The following MID1 variants were observed in gnomAD, a reference collection of about 807,000 sequenced individuals.
The protein encoded by MID1 is midline 1.
Under a neutral mutation model 40.4 loss-of-function variants are expected in MID1, and 7 were observed. The ratio of observed to expected loss-of-function variants is 0.17; its 90% confidence interval spans 0.10 to 0.33. MID1 has a LOEUF of 0.33. MID1 is among the 10% of genes least tolerant of loss of function. MID1 has a pLI of 1.00. For synonymous variants in MID1, 229 were observed against 221.2 expected (o/e 1.04, Z -0.31); for missense variants, 367 against 558.5 (o/e 0.66, Z 3.46).
intron 2 of MID1, among the ~76,000 whole-genome samples, chrX:10,561,602 A>T (rs1354358997): frequency 9.3e-6 from 1 of 107,857 alleles, no homozygotes; most frequent in East Asian, 2.8e-4. Flanking sequence ...TATGCAGCCA[A>T]CAAACATATG....
chrX:10,721,340 C>G (rs760089227), intron 1 of MID1, among the ~76,000 whole-genome samples: 1 of 110,761 alleles, frequency 9.0e-6, no homozygotes, highest in Admixed American at 9.6e-5. Flanking sequence ...GGTCAACTTT[C>G]TCTAGTGTGA....
chrX:10,819,612 A>G (rs1250947565), intron 1 of MID1, among the ~76,000 whole-genome samples: 1 of 111,739 alleles, frequency 8.9e-6, no homozygotes, highest in African/African-American at 3.3e-5. Context: ...GAATAAAACC[A>G]TTACTTCCTG....
intron 2 of MID1, among the ~76,000 whole-genome samples, chrX:10,528,338 G>T (rs1300905964): frequency 2.7e-5 from 3 of 111,581 alleles, no homozygotes; most frequent in South Asian, 3.8e-4. Flanking sequence ...TAAGTCTTTG[G>T]AATCTGATAT....
intron 7 of MID1, chrX:10,469,217 G>T: frequency 2.5e-6 from 1 of 399,528 alleles, no homozygotes; most frequent in Non-Finnish European, 3.3e-6. Flanking sequence ...GACTACAGGT[G>T]TGTGTCACCA....
chrX:10,712,475 C>G (rs955790445), intron 1 of MID1, among the ~76,000 whole-genome samples: 1 of 110,910 alleles, frequency 9.0e-6, no homozygotes, highest in South Asian at 3.9e-4. Context: ...CGTATATGGC[C>G]CCTCCTAAGT....
At chrX:10,628,347 A>C (rs922247884) in intron 1 of MID1, among the ~76,000 whole-genome samples, 1 of 111,422 alleles carries the variant, frequency 9.0e-6, no homozygotes, top group African/African-American at 3.3e-5. Flanking sequence ...ACTACATTCA[A>C]ATGAGGCTTC....
chrX:10,816,424 G>T (rs1283574035), intron 1 of MID1, among the ~76,000 whole-genome samples: 1 of 112,161 alleles, frequency 8.9e-6, no homozygotes, highest in Non-Finnish European at 1.9e-5. Context: ...GGCAGGAAAC[G>T]TGTGTCTCCA....
At position 10,724,197 on chromosome X, in the gene MID1, G is replaced by C. The variant is rs1029287592; in HGVS notation, c.-186-103778C>G. Among the ~76,000 whole-genome samples the C allele has an allele frequency of 2.7e-5, 3 of 111,102 alleles. No individual in the cohort carries two copies. The Admixed American group carries it at 2.9e-4, about 11-fold the overall frequency. ...CACCTCAGCTTCCCGAGTAGCTGGG[G>C]CTATAGGCACGCACCACCACACCCG... On this transcript the variant is annotated intron_variant, in intron 1 of 10. Coordinates refer to the MID1 transcript ENST00000380785.
intron 7 of MID1, chrX:10,460,136 G>A (rs1278941545): frequency 3.2e-6 from 1 of 315,636 alleles, no homozygotes. Context: ...AAATGACAAT[G>A]TGCTAGTTGC....
At chrX:10,592,274 TAA>T (rs144661774) in intron 1 of MID1, among the ~76,000 whole-genome samples, 14,129 of 28,435 alleles carry the variant, frequency 0.5, 2,943 homozygotes, top group Non-Finnish European at 0.55. Flanking sequence ...GGGACTGCGT[TAA>T]AAAAAAAAAA....
intron 1 of MID1, among the ~76,000 whole-genome samples, chrX:10,823,854 A>C (rs970159871): frequency 1.8e-5 from 2 of 111,678 alleles, no homozygotes; most frequent in East Asian, 2.8e-4. Context: ...GGAATATAGC[A>C]ATATGCACAT....
intron 1 of MID1, among the ~76,000 whole-genome samples, chrX:10,630,008 T>C (rs1276382948): frequency 8.9e-6 from 1 of 112,142 alleles, no homozygotes; most frequent in Non-Finnish European, 1.9e-5. Flanking sequence ...ACCTTCTTTA[T>C]GCCAGAACGG....
At chrX:10,637,901 C>G (rs1272023295) in intron 1 of MID1, among the ~76,000 whole-genome samples, 4 of 111,853 alleles carry the variant, frequency 3.6e-5, no homozygotes. Context: ...GAAAGGCATG[C>G]AGGAACTCTC....
intron 1 of MID1, among the ~76,000 whole-genome samples, chrX:10,760,435 A>G (rs1459409140): frequency 8.9e-6 from 1 of 112,338 alleles, no homozygotes; most frequent in African/African-American, 3.2e-5. Context: ...TGAAAATTTT[A>G]CATTTCCTTT....
At chrX:10,522,748 G>A (rs920437627) in intron 3 of MID1, among the ~76,000 whole-genome samples, 1 of 110,995 alleles carries the variant, frequency 9.0e-6, no homozygotes, top group Non-Finnish European at 1.9e-5. Context: ...TGCCTGCCTC[G>A]GCCTCCCAAA....
rs1930392403 is a variant in MID1 at position 10,482,552 on chromosome X, G to A, written c.941C>T (p.Ser314Phe). 8.3e-7 allele frequency: 1 copy of A among 1,208,782 alleles called. No individual in the cohort carries two copies. ...QCIERSASLI[S>F]QAEHSLKEND... ...CTCCTTCAGAGAGTGTTCCGCTTGG[G>A]AGATGAGTGATGCTGACCGCTCAAT... is the stretch of plus-strand genomic sequence containing the variant. The change falls in exon 5 of 10, where the codon TCC (serine) becomes TTC (phenylalanine). Residue 314 changes from serine (S) to phenylalanine (F), a missense_variant. Around this residue, in one of 3 missense-constraint regions of MID1, gnomAD observed 275 missense variants for 383.1 expected, o/e 0.72. Transcript: ENST00000317552.
At chrX:10,527,551 G>A (rs1932856555) in intron 2 of MID1, among the ~76,000 whole-genome samples, 1 of 111,770 alleles carries the variant, frequency 8.9e-6, no homozygotes. Context: ...CCAACCCTGT[G>A]CCTCTGGGAG....
chrX:10,814,449 T>C (rs998725019), intron 1 of MID1, among the ~76,000 whole-genome samples: 5 of 111,265 alleles, frequency 4.5e-5, no homozygotes, highest in Admixed American at 9.6e-5. Flanking sequence ...TAATTGTAGA[T>C]TCATACACAC....
intron 1 of MID1, among the ~76,000 whole-genome samples, chrX:10,707,738 T>C (rs2043240806): frequency 1.8e-5 from 2 of 112,482 alleles, no homozygotes; most frequent in African/African-American, 6.5e-5. Flanking sequence ...CAATCTGTTA[T>C]CATTCATTAG....
Sources: gnomAD v4.1 joint callset for allele counts (sites outside exome capture counted in the v4.1 genomes callset) on GRCh38, gnomAD v4.1.1 for gene constraint, gnomAD v4.1.1 regional missense constraint, MANE v1.5 for transcripts, NCBI Gene and HGNC (gene_info 2026-07-23, HGNC 2026-07-21) for gene names.